SLC24A3: variants seen among roughly 807,000 people sequenced by gnomAD.
The protein encoded by SLC24A3 is sodium/potassium/calcium exchanger 3.
In SLC24A3, 28 loss-of-function variants were observed where a neutral mutation model predicts 75.8. The observed-to-expected ratio is 0.37, with a 90% CI of 0.27 to 0.51. The LOEUF (loss-of-function observed/expected upper bound fraction) is 0.51, where lower values mean the gene tolerates loss of function less well. SLC24A3 is among the 20% of genes least tolerant of loss of function. SLC24A3 has a pLI of 0.94. For synonymous variants in SLC24A3, 372 were observed against 334.1 expected (o/e 1.11, Z -1.24); for missense variants, 663 against 847.8 (o/e 0.78, Z 2.71).
chr20:19,661,692 A>G (rs3790283), intron 7 of SLC24A3, among the ~76,000 whole-genome samples: 65,422 of 152,046 alleles, frequency 0.43, 16,522 homozygotes, highest in African/African-American at 0.71. Context: ...TCAGCAATGC[A>G]GCCTCTCCTG....
chr20:19,516,549 G>A (rs1052477195), intron 3 of SLC24A3, among the ~76,000 whole-genome samples: 4 of 152,336 alleles, frequency 2.6e-5, no homozygotes, highest in Non-Finnish European at 2.9e-5. Context: ...GACCGACTCC[G>A]ATGGCTGTGG....
intron 2 of SLC24A3, among the ~76,000 whole-genome samples, chr20:19,303,904 A>G (rs1984260182): frequency 6.6e-6 from 1 of 152,094 alleles, no homozygotes; most frequent in African/African-American, 2.4e-5. Context: ...CTATTCACCC[A>G]TGGCTTCTGA....
intron 2 of SLC24A3, among the ~76,000 whole-genome samples, chr20:19,493,098 G>T (rs1988231243): frequency 6.6e-6 from 1 of 152,308 alleles, no homozygotes; most frequent in East Asian, 1.9e-4. Flanking sequence ...TTAAATGGTT[G>T]GCCTGGCCTC....
intron 2 of SLC24A3, among the ~76,000 whole-genome samples, chr20:19,488,126 G>A (rs1988154600): frequency 1.3e-5 from 2 of 152,222 alleles, no homozygotes; most frequent in Admixed American, 1.3e-4. Context: ...GAATTGGCAT[G>A]CGCTGGGTAG....
intron 3 of SLC24A3, among the ~76,000 whole-genome samples, chr20:19,551,838 A>C (rs2030700873): frequency 1.3e-5 from 2 of 152,148 alleles, no homozygotes; most frequent in Admixed American, 1.3e-4. Context: ...CACTGCCCGG[A>C]GGACCAGGCA....
intron 6 of SLC24A3, among the ~76,000 whole-genome samples, chr20:19,599,620 A>G (rs1471252185): frequency 6.6e-6 from 1 of 152,196 alleles, no homozygotes; most frequent in Non-Finnish European, 1.5e-5. Flanking sequence ...GCCTCCTGTT[A>G]GACACTGAGA....
intron 2 of SLC24A3, among the ~76,000 whole-genome samples, chr20:19,488,533 A>G (rs756694024): frequency 4.6e-5 from 7 of 152,280 alleles, no homozygotes; most frequent in Non-Finnish European, 7.4e-5. Context: ...CTGGAGGGAT[A>G]AAACATGCTG....
intron 6 of SLC24A3, among the ~76,000 whole-genome samples, chr20:19,634,879 C>T (rs1036609648): frequency 1.4e-4 from 22 of 152,030 alleles, no homozygotes; most frequent in Admixed American, 9.2e-4. Context: ...TAAATGATAC[C>T]GCAAAAATTT....
chr20:19,693,672 C>A, intron 13 of SLC24A3: 1 of 420,332 alleles, frequency 2.4e-6, no homozygotes, highest in Non-Finnish European at 4.2e-6. Context: ...CTTCAGGCTT[C>A]AGGGTGGTCA....
chr20:19,631,595 G>A, intron 6 of SLC24A3, among the ~76,000 whole-genome samples: 1 of 152,140 alleles, frequency 6.6e-6, no homozygotes, highest in East Asian at 1.9e-4. Flanking sequence ...GGCTGACTGG[G>A]AGTTGTGGCT....
At chr20:19,577,188 G>A (rs374508351) in intron 3 of SLC24A3, among the ~76,000 whole-genome samples, 118 of 151,940 alleles carry the variant, frequency 7.8e-4, no homozygotes, top group Middle Eastern at 3.4e-3. Context: ...CTGAGTAGCC[G>A]GGAGTACAGG....
At chr20:19,492,134 G>C (rs1988218296) in intron 2 of SLC24A3, among the ~76,000 whole-genome samples, 1 of 152,200 alleles carries the variant, frequency 6.6e-6, no homozygotes, top group Non-Finnish European at 1.5e-5. Context: ...CTTTTGATAG[G>C]AAACTTTGCA....
chr20:19,526,127 A>G (rs533185214), intron 3 of SLC24A3, among the ~76,000 whole-genome samples: 18 of 152,116 alleles, frequency 1.2e-4, no homozygotes, highest in Admixed American at 2.6e-4. Context: ...TTCAGCTCAC[A>G]TGTTTCCCTT....
At position 19,497,464 on chromosome 20, in the gene SLC24A3, G is replaced by A. The variant is rs117400137; in HGVS notation, c.272-18024G>A. Among the ~76,000 whole-genome samples, 266 of 152,262 alleles carry A rather than the reference G, an allele frequency of 1.7e-3. 6 individuals carry two copies. In the East Asian group the frequency reaches 0.04, roughly 23 times the overall value. On this transcript the variant is annotated intron_variant, in intron 2 of 16. Coordinates refer to ENST00000328041, the MANE Select transcript of SLC24A3 (RefSeq NM_020689.4). ...TAGGAAGTTGGCCAATTTTAGTCTC[G>A]GGTCCCATTTTGGGCTCTAATGTAC...
chr20:19,553,542 A>G (rs1404445457), intron 3 of SLC24A3, among the ~76,000 whole-genome samples: 4 of 152,192 alleles, frequency 2.6e-5, no homozygotes, highest in Non-Finnish European at 5.9e-5. Context: ...CTTCTCCCTC[A>G]GAACATGTCT....
At chr20:19,685,416 G>T in intron 12 of SLC24A3, 55 bp downstream of exon 12, 1 of 1,585,236 alleles carries the variant, frequency 6.3e-7, no homozygotes, top group Non-Finnish European at 8.6e-7. Flanking sequence ...CCACTGAGTA[G>T]ATGCCCTTGA....
intron 15 of SLC24A3, among the ~76,000 whole-genome samples, chr20:19,709,669 G>A (rs1046063284): frequency 1.3e-5 from 2 of 152,052 alleles, no homozygotes; most frequent in Non-Finnish European, 2.9e-5. Context: ...ACTTCTGAGG[G>A]TTCTTAGAGG....
intron 2 of SLC24A3, among the ~76,000 whole-genome samples, chr20:19,292,110 C>T (rs529782396): frequency 5.3e-5 from 8 of 152,324 alleles, no homozygotes; most frequent in East Asian, 1.9e-4. Flanking sequence ...CTGGACCAGC[C>T]GCGTAATCTC....
rs1204445342 is a variant in SLC24A3 at position 19,722,476 on chromosome 20, GC to G, written c.*1339del. The G allele has an allele frequency of 6.5e-6, 1 of 152,676 alleles. No individual in the cohort carries two copies. Among genetic ancestry groups the G allele is most frequent in the Admixed American group, 6.5e-5 (1 of 15,288 alleles). The allele number at this position is 152,676 out of a possible 1,614,324, so 9.5% of individuals were successfully genotyped here. On this transcript the variant is annotated 3_prime_UTR_variant, in exon 17 of 17. Transcript: ENST00000328041. ...CGTTTTTGCCAATCACTGCTCAACA[GC>G]CCTGCTAGATTTTGTATGATGCTGA...
Sources: allele counts gnomAD v4.1 joint callset (sites outside exome capture counted in the v4.1 genomes callset), GRCh38; gene constraint gnomAD v4.1.1; transcripts MANE v1.5; gene names NCBI Gene and HGNC (gene_info 2026-07-23, HGNC 2026-07-21).